CLEC16A: variants seen among roughly 807,000 people sequenced by gnomAD.
CLEC16A encodes protein CLEC16A.
CLEC16A carries 51 observed loss-of-function variants against 109.5 expected under a neutral mutation model. The ratio of observed to expected loss-of-function variants is 0.47; its 90% CI spans 0.37 to 0.59. CLEC16A has a LOEUF of 0.59. CLEC16A is among the 20% of genes least tolerant of loss of function. The probability of loss-of-function intolerance (pLI) is 0.00; values close to 1 mark genes in which losing one functional copy is unlikely to be tolerated. For missense variants in CLEC16A, 1,339 were observed against 1,394.0 expected, an observed-to-expected ratio of 0.96 and a Z score of 0.63; for synonymous variants, 673 against 564.2, an observed-to-expected ratio of 1.19 and a Z score of -2.73.
intron 20 of CLEC16A, 42 bp from the exon 21 acceptor site, chr16:11,123,700 C>G (rs756995181): frequency 1.1e-5 from 18 of 1,604,382 alleles, no homozygotes; most frequent in Non-Finnish European, 1.5e-5. Context: ...ACCCTCCTCC[C>G]AAACCCAACG....
chr16:11,018,750 A>G (rs988936230), intron 11 of CLEC16A, among the ~76,000 whole-genome samples: 6 of 113,572 alleles, frequency 5.3e-5, no homozygotes, highest in Non-Finnish European at 9.8e-5. Context: ...CTCCATCTCA[A>G]AAAAAAAAAA....
chr16:11,144,148 C>T (rs913227808), intron 22 of CLEC16A, among the ~76,000 whole-genome samples: 2 of 152,238 alleles, frequency 1.3e-5, no homozygotes, highest in African/African-American at 4.8e-5. Flanking sequence ...CCCAAGCTAC[C>T]TTATCCACCT....
chr16:11,075,212 G>C (rs1020333595), intron 19 of CLEC16A, among the ~76,000 whole-genome samples: 1 of 152,184 alleles, frequency 6.6e-6, no homozygotes, highest in Non-Finnish European at 1.5e-5. Context: ...CACAAAGGAA[G>C]GGACTTAGTG....
chr16:10,946,465 A>T (rs2041380261), intron 1 of CLEC16A, among the ~76,000 whole-genome samples: 1 of 152,148 alleles, frequency 6.6e-6, no homozygotes, highest in African/African-American at 2.4e-5. Context: ...GAGAGAAGAC[A>T]AGGGGAGGAA....
At chr16:11,138,239 C>T (rs983799630) in intron 22 of CLEC16A, among the ~76,000 whole-genome samples, 2 of 152,168 alleles carry the variant, frequency 1.3e-5, no homozygotes, top group East Asian at 3.8e-4. Flanking sequence ...AGCCTGGGGT[C>T]AGGGGGAGGG....
At chr16:11,089,909 T>A (rs1352844923) in intron 19 of CLEC16A, among the ~76,000 whole-genome samples, 1 of 152,210 alleles carries the variant, frequency 6.6e-6, no homozygotes, top group Non-Finnish European at 1.5e-5. Flanking sequence ...ATCAATGAGG[T>A]GCCAGAAAAG....
chr16:11,001,764 C>G (rs182356845), intron 10 of CLEC16A, among the ~76,000 whole-genome samples: 2 of 152,280 alleles, frequency 1.3e-5, no homozygotes, highest in Admixed American at 6.5e-5. Context: ...ACCTCAGCCC[C>G]GCAAAGTGCT....
At position 11,181,968 on chromosome 16, in the gene CLEC16A, T is replaced by C. The variant is rs2068970455; in HGVS notation, c.*3278T>C. The C allele has an allele frequency of 6.5e-6, 1 of 152,684 alleles. No individual in the cohort carries two copies. 9.5% of individuals were successfully genotyped at this position (152,684 alleles called of 1,614,324 possible). On this transcript the variant is annotated 3_prime_UTR_variant, in exon 24 of 24. Coordinates refer to ENST00000409790, the MANE Select transcript of CLEC16A (RefSeq NM_015226.3). ...GGGCCTACACTGTACGAGTTCCTTA[T>C]GTTTCCTTGAGCTAAAAATATGTAA...
At chr16:11,167,767 C>T (rs915081981) in intron 23 of CLEC16A, among the ~76,000 whole-genome samples, 2 of 152,320 alleles carry the variant, frequency 1.3e-5, no homozygotes, top group African/African-American at 4.8e-5. Context: ...CAGGGCATGA[C>T]CACCCCTTCT....
At chr16:10,993,291 A>T (rs1596943837) in intron 10 of CLEC16A, among the ~76,000 whole-genome samples, 1 of 152,176 alleles carries the variant, frequency 6.6e-6, no homozygotes, top group African/African-American at 2.4e-5. Context: ...AGGTGGGACC[A>T]TCTCTTGAGC....
At position 10,951,764 on chromosome 16, in the gene CLEC16A, G is replaced by A. The variant is rs560737434; in HGVS notation, c.81-6018G>A. Among the ~76,000 whole-genome samples, 15 of 152,344 alleles carry A rather than the reference G, an allele frequency of 9.8e-5. No homozygotes were observed. In the South Asian group the frequency reaches 1.9e-3, roughly 19 times the overall value. On this transcript the variant is annotated intron_variant, in intron 1 of 23. Coordinates refer to ENST00000409790, the MANE Select transcript of CLEC16A (RefSeq NM_015226.3). Reference sequence around the variant, plus strand: ...AAGAGAAACATTTTAATTTGCTGCCGTTAAGTAGCAAGGTAATTATTCTGT... The same window carrying A: ...AAGAGAAACATTTTAATTTGCTGCCATTAAGTAGCAAGGTAATTATTCTGT...
intron 19 of CLEC16A, among the ~76,000 whole-genome samples, chr16:11,118,347 G>A (rs1171849279): frequency 4.8e-5 from 7 of 144,840 alleles, no homozygotes; most frequent in South Asian, 2.3e-4. Flanking sequence ...CTCATTTAAC[G>A]CACCAAACAA....
At chr16:11,051,764 G>GA in intron 18 of CLEC16A, 123 bp downstream of exon 18, 1 of 1,247,880 alleles carries the variant, frequency 8.0e-7, no homozygotes. Context: ...TTAGACAGTG[G>GA]ATAGAGAGTA....
chr16:11,064,796 C>T (rs111725728), intron 19 of CLEC16A, among the ~76,000 whole-genome samples: 126 of 152,096 alleles, frequency 8.3e-4, no homozygotes, highest in African/African-American at 2.9e-3. Flanking sequence ...AAAACAAAAC[C>T]AAAACAGGGT....
At chr16:11,054,402 T>C (rs931426964) in intron 18 of CLEC16A, among the ~76,000 whole-genome samples, 1 of 152,254 alleles carries the variant, frequency 6.6e-6, no homozygotes, top group Non-Finnish European at 1.5e-5. Context: ...GATGATAGTC[T>C]TTTTGCCCCT....
chr16:11,065,583 A>T (rs1018523358), intron 19 of CLEC16A, among the ~76,000 whole-genome samples: 1 of 152,188 alleles, frequency 6.6e-6, no homozygotes, highest in Admixed American at 6.5e-5. Context: ...GGGAGCAACC[A>T]CTAACAGGTA....
Position 11,060,956 on chromosome 16 carries a change from C to T in CLEC16A, c.2050C>T (p.Pro684Ser), listed in dbSNP as rs368125425. 3.7e-6 allele frequency: 6 copies of T among 1,612,460 alleles called. No individual in the cohort carries two copies. In the African/African-American group the frequency reaches 8.0e-5, roughly 22 times the overall value. Residue 684 changes from proline to serine, a missense_variant, in exon 19 of 24, where the codon CCT (proline) becomes TCT (serine). Around this residue, in one of 3 missense-constraint regions of CLEC16A, gnomAD observed 1,061 missense variants for 1,006.8 expected, o/e 1.05. Transcript: ENST00000409790. ...CCTGTCACTGCAATTGCGAGGGGAG[C>T]CTGAGACACAGTTGCCGCTGACTCG... ...RSLSLQLRGEPETQLPLTREE... is the reference protein window; with the variant it reads ...RSLSLQLRGESETQLPLTREE...
intron 10 of CLEC16A, among the ~76,000 whole-genome samples, chr16:10,984,109 G>A (rs1350139915): frequency 6.6e-6 from 1 of 152,128 alleles, no homozygotes; most frequent in Non-Finnish European, 1.5e-5. Flanking sequence ...TGGTAAAAGG[G>A]CCAGCTCGCC....
chr16:11,145,679 G>T (rs933756520), intron 22 of CLEC16A, among the ~76,000 whole-genome samples: 1 of 152,270 alleles, frequency 6.6e-6, no homozygotes, highest in Non-Finnish European at 1.5e-5. Context: ...CAGGACAGCA[G>T]GTGGCTGGAT....
Sources: gnomAD v4.1 joint callset for allele counts (sites outside exome capture counted in the v4.1 genomes callset) on GRCh38, gnomAD v4.1.1 for gene constraint, gnomAD v4.1.1 regional missense constraint, MANE v1.5 for transcripts, NCBI Gene and HGNC (gene_info 2026-07-23, HGNC 2026-07-21) for gene names.